RSU1: variants seen among roughly 807,000 people sequenced by gnomAD.
RSU1 encodes rsu-1.
RSU1 carries 26 observed loss-of-function variants against 31.1 expected under a neutral mutation model. The observed-to-expected ratio is 0.84, with a 90% CI of 0.61 to 1.16. The LOEUF is 1.16. Among genes scored for constraint, RSU1 ranks in the 50% most tolerant of loss-of-function variants. RSU1 has a pLI of 0.00. For missense variants in RSU1, 320 were observed against 339.1 expected (o/e 0.94, Z 0.44); for synonymous variants, 164 against 136.3 (o/e 1.20, Z -1.41).
chr10:16,642,859 G>A (rs1003474887), intron 8 of RSU1, among the ~76,000 whole-genome samples: 5 of 152,074 alleles, frequency 3.3e-5, no homozygotes, highest in African/African-American at 1.2e-4. Flanking sequence ...CAGGTTTATT[G>A]AAGTATAATT....
intron 7 of RSU1, among the ~76,000 whole-genome samples, chr10:16,747,578 C>T (rs1156620919): frequency 6.6e-6 from 1 of 152,138 alleles, no homozygotes; most frequent in Non-Finnish European, 1.5e-5. Flanking sequence ...ATCCAGTATC[C>T]GACCATTACT....
At chr10:16,725,162 A>C (rs892291860) in intron 7 of RSU1, among the ~76,000 whole-genome samples, 1 of 152,202 alleles carries the variant, frequency 6.6e-6, no homozygotes, top group Non-Finnish European at 1.5e-5. Context: ...TTTTGTGTAC[A>C]TGTACGATGC....
chr10:16,748,636 T>C (rs1836908791), intron 7 of RSU1, among the ~76,000 whole-genome samples: 1 of 152,078 alleles, frequency 6.6e-6, no homozygotes. Context: ...CAGACCCCAT[T>C]TCCTGTCTAA....
intron 8 of RSU1, among the ~76,000 whole-genome samples, chr10:16,616,046 C>T (rs868799957): frequency 1.3e-5 from 2 of 152,088 alleles, no homozygotes; most frequent in South Asian, 2.1e-4. Context: ...GAGTCAGAGA[C>T]AGGAAAAACC....
At chr10:16,648,135 T>TTATTTTATTTTTTA (rs1225093054) in intron 8 of RSU1, among the ~76,000 whole-genome samples, 7,863 of 150,226 alleles carry the variant, frequency 0.052, 741 homozygotes, top group African/African-American at 0.18. Flanking sequence ...AAAAAAAATT[T>TTATTTTATTTTTTA]TTTTTTTTTT....
Position 16,695,167 on chromosome 10 carries a change from G to GGGGGGGGGCCC in RSU1, c.599-13_599-12insGGGCCCCCCCC. On this transcript the variant is annotated splice_polypyrimidine_tract_variant and intron_variant, in intron 7 of 8. Transcript: ENST00000345264. The stretch of plus-strand genomic sequence containing the variant: ...TAAATCCAAGTTTCCTGGGGGGGGG[G>GGGGGGGGGCCC]AAAAAAAAAGTGAAGGTCACTTCAT... 7.6e-7 allele frequency: 1 copy of GGGGGGGGGCCC among 1,318,158 alleles called. No homozygotes were observed. The highest frequency in any genetic ancestry group is 1.0e-6 in the Non-Finnish European group (1 of 970,984). The allele number at this position is 1,318,158 out of a possible 1,614,324, so 81.7% of individuals were successfully genotyped here.
At chr10:16,645,778 G>T (rs1208579374) in intron 8 of RSU1, among the ~76,000 whole-genome samples, 2 of 149,898 alleles carry the variant, frequency 1.3e-5, no homozygotes, top group Non-Finnish European at 3.0e-5. Flanking sequence ...CTGCACTCCA[G>T]CCTGGACGAC....
chr10:16,703,270 G>C (rs1038377476), intron 7 of RSU1, among the ~76,000 whole-genome samples: 7 of 152,144 alleles, frequency 4.6e-5, no homozygotes, highest in African/African-American at 1.7e-4. Context: ...AGCAGTGCGA[G>C]AACAGACTAA....
rs1407311673 is a variant in RSU1 at position 16,661,283 on chromosome 10, AGTGCGTGTGTGT to A, written c.731+33728_731+33739del. On this transcript the variant is annotated intron_variant, in intron 8 of 8. Transcript: ENST00000345264. ...GAGAGTGTATGTGTGATATGTAGAG[AGTGCGTGTGTGT>A]GTGTGTGTGTGTGTGTGTGTGTGTG... Among the ~76,000 whole-genome samples the A allele has an allele frequency of 3.8e-3, 435 of 115,922 alleles. 1 individual carries two copies. The highest frequency in any genetic ancestry group is 0.013 in the African/African-American group (414 of 32,386). 76.0% of individuals were successfully genotyped at this position (115,922 alleles called of 152,430 possible).
At chr10:16,605,243 C>T (rs1833782860) in intron 8 of RSU1, among the ~76,000 whole-genome samples, 1 of 152,170 alleles carries the variant, frequency 6.6e-6, no homozygotes, top group Admixed American at 6.5e-5. Flanking sequence ...TTTGCCCACA[C>T]TTTCTATCTT....
At chr10:16,631,357 G>A (rs903606690) in intron 8 of RSU1, among the ~76,000 whole-genome samples, 4 of 152,182 alleles carry the variant, frequency 2.6e-5, no homozygotes, top group Non-Finnish European at 2.9e-5. Flanking sequence ...CTGTTAGCAC[G>A]GCAGGGACAT....
chr10:16,786,185 T>A (rs78558872), intron 2 of RSU1, among the ~76,000 whole-genome samples: 18,033 of 152,208 alleles, frequency 0.12, 1,534 homozygotes, highest in East Asian at 0.23. Flanking sequence ...AATCGTCCAC[T>A]CCAAAAGGTC....
chr10:16,631,958 C>T (rs1321513133), intron 8 of RSU1, among the ~76,000 whole-genome samples: 2 of 152,146 alleles, frequency 1.3e-5, no homozygotes, highest in Admixed American at 1.3e-4. Context: ...GTGATTGATT[C>T]TGGAAGAGTC....
chr10:16,657,748 T>C (rs1418382717), intron 8 of RSU1, among the ~76,000 whole-genome samples: 1 of 152,112 alleles, frequency 6.6e-6, no homozygotes, highest in Non-Finnish European at 1.5e-5. Flanking sequence ...ATCCCAGCAC[T>C]TTGGGAGGCT....
intron 8 of RSU1, among the ~76,000 whole-genome samples, chr10:16,669,335 T>C (rs2131535314): frequency 6.6e-6 from 1 of 152,188 alleles, no homozygotes; most frequent in South Asian, 2.1e-4. Flanking sequence ...TGATTTCTGT[T>C]GTATTGTCTT....
chr10:16,705,953 G>A (rs1188718529), intron 7 of RSU1, among the ~76,000 whole-genome samples: 1 of 152,152 alleles, frequency 6.6e-6, no homozygotes, highest in African/African-American at 2.4e-5. Context: ...AAATGTTTTT[G>A]ATCTGTGGTT....
chr10:16,726,424 G>A (rs1157408681), intron 7 of RSU1, among the ~76,000 whole-genome samples: 3 of 151,858 alleles, frequency 2.0e-5, no homozygotes, highest in East Asian at 1.9e-4. Flanking sequence ...CCACCACCAC[G>A]CCCAGCTAAT....
At chr10:16,676,468 C>T (rs1353537518) in intron 8 of RSU1, among the ~76,000 whole-genome samples, 1 of 152,192 alleles carries the variant, frequency 6.6e-6, no homozygotes, top group Non-Finnish European at 1.5e-5. Context: ...TTATCTCCCA[C>T]TGGGTCCCTC....
chr10:16,623,961 T>TTAG (rs1469269991), intron 8 of RSU1, among the ~76,000 whole-genome samples: 3 of 152,164 alleles, frequency 2.0e-5, no homozygotes, highest in Non-Finnish European at 1.5e-5. Flanking sequence ...TCCTTAGATC[T>TTAG]TAGACCTTGG....
Sources: allele counts gnomAD v4.1 joint callset (sites outside exome capture counted in the v4.1 genomes callset), GRCh38; gene constraint gnomAD v4.1.1; transcripts MANE v1.5; gene names NCBI Gene and HGNC (gene_info 2026-07-23, HGNC 2026-07-21).